ABLIM2: variants seen among roughly 807,000 people sequenced by gnomAD.
ABLIM2 encodes the protein actin binding LIM protein family member 2.
Under a neutral mutation model 97.7 loss-of-function variants are expected in ABLIM2, and 53 were observed. The ratio of observed to expected loss-of-function variants is 0.54; its 90% CI spans 0.44 to 0.68. The LOEUF (loss-of-function observed/expected upper bound fraction) is 0.68, where lower values mean the gene tolerates loss of function less well. ABLIM2 is among the 30% of genes least tolerant of loss of function. The pLI is 0.00. For missense variants in ABLIM2, 835 were observed against 867.2 expected, an observed-to-expected ratio of 0.96 and a Z score of 0.47; for synonymous variants, 361 against 345.8, an observed-to-expected ratio of 1.04 and a Z score of -0.49.
At chr4:8,084,219 G>A (rs913898787) in intron 4 of ABLIM2, among the ~76,000 whole-genome samples, 6 of 152,162 alleles carry the variant, frequency 3.9e-5, no homozygotes, top group Admixed American at 1.3e-4. Context: ...GTTCAAGTTC[G>A]GCCCCAGCGC....
At chr4:8,084,993 G>T (rs1822414680) in intron 4 of ABLIM2, among the ~76,000 whole-genome samples, 1 of 152,214 alleles carries the variant, frequency 6.6e-6, no homozygotes, top group Non-Finnish European at 1.5e-5. Flanking sequence ...TCACGGGAAG[G>T]GGCAGAGCTT....
At chr4:8,010,316 C>T in intron 14 of ABLIM2, 3 of 959,634 alleles carry the variant, frequency 3.1e-6, no homozygotes, top group Non-Finnish European at 3.7e-6. Flanking sequence ...TTGTGTATCC[C>T]TTACAGAAAC....
intron 17 of ABLIM2, among the ~76,000 whole-genome samples, chr4:7,991,320 T>G (rs914947283): frequency 1.3e-5 from 2 of 152,174 alleles, no homozygotes; most frequent in Non-Finnish European, 2.9e-5. Context: ...AAATGCAGAG[T>G]GTGCTGCTCT....
chr4:8,080,998 T>C (rs1819477249), intron 4 of ABLIM2, among the ~76,000 whole-genome samples, 196 bp from the exon 5 acceptor site: 1 of 152,106 alleles, frequency 6.6e-6, no homozygotes, highest in African/African-American at 2.4e-5. Flanking sequence ...CTGGGGAAGT[T>C]TGACCCTGCA....
chr4:8,057,700 C>T (rs747077560), intron 7 of ABLIM2, among the ~76,000 whole-genome samples: 2 of 152,218 alleles, frequency 1.3e-5, no homozygotes, highest in African/African-American at 2.4e-5. Context: ...ATGCCCCACC[C>T]CATGTTTATG....
At chr4:8,048,807 T>C in intron 8 of ABLIM2, among the ~76,000 whole-genome samples, 1 of 152,190 alleles carries the variant, frequency 6.6e-6, no homozygotes, top group South Asian at 2.1e-4. Flanking sequence ...GCCCGGCCAG[T>C]CCAGGCTCCC....
chr4:8,086,149 A>G (rs574514714), intron 4 of ABLIM2, among the ~76,000 whole-genome samples: 1 of 152,286 alleles, frequency 6.6e-6, no homozygotes, highest in South Asian at 2.1e-4. Flanking sequence ...GGCTGGGGGA[A>G]GGGGCAGGTT....
intron 10 of ABLIM2, 108 bp downstream of exon 10, chr4:8,036,041 G>T: frequency 7.4e-7 from 1 of 1,350,590 alleles, no homozygotes; most frequent in Non-Finnish European, 1.0e-6. Context: ...GAGTGGTGAA[G>T]ATGGAAGTGG....
intron 3 of ABLIM2, among the ~76,000 whole-genome samples, chr4:8,090,118 T>TGC (rs1561312529): frequency 3.3e-5 from 5 of 151,882 alleles, no homozygotes; most frequent in Admixed American, 3.3e-4. Context: ...CCCAGGGCCC[T>TGC]CCCCTCCCAT....
In ABLIM2 at chr4:8,077,741, C is replaced by A; in HGVS notation, c.582-20G>T. On this transcript the variant is annotated intron_variant, in intron 5 of 20. Transcript: ENST00000447017. ...CCATCCCTGCAATGAGACAGGCAGT[C>A]AACACAGGGCGGGTGTCGCCCGAGG... 12 of 1,600,214 alleles carry A rather than the reference C, an allele frequency of 7.5e-6. No homozygotes were observed. Among genetic ancestry groups the A allele is most frequent in the Non-Finnish European group, 1.0e-5 (12 of 1,171,470 alleles).
At chr4:8,142,668 G>A (rs150833672) in intron 1 of ABLIM2, among the ~76,000 whole-genome samples, 3 of 152,298 alleles carry the variant, frequency 2.0e-5, no homozygotes, top group East Asian at 3.9e-4. Context: ...TCGCAGCCAC[G>A]AGGTGGGCAC....
chr4:8,139,486 C>T (rs1290069470), intron 1 of ABLIM2, among the ~76,000 whole-genome samples: 1 of 152,104 alleles, frequency 6.6e-6, no homozygotes, highest in East Asian at 1.9e-4. Context: ...ACACAGCCAA[C>T]AAACATATGA....
intron 10 of ABLIM2, among the ~76,000 whole-genome samples, chr4:8,030,788 G>C (rs1446303004): frequency 6.6e-6 from 1 of 152,230 alleles, no homozygotes; most frequent in Non-Finnish European, 1.5e-5. Flanking sequence ...CTTGGACTCA[G>C]GGCTTCCAGC....
intron 17 of ABLIM2, among the ~76,000 whole-genome samples, chr4:7,990,239 A>G (rs546831627): frequency 2.0e-4 from 30 of 152,166 alleles, no homozygotes; most frequent in Non-Finnish European, 3.5e-4. Flanking sequence ...TCGCTCTGTC[A>G]CCCAGGCTGG....
intron 1 of ABLIM2, among the ~76,000 whole-genome samples, chr4:8,115,608 AT>A (rs2152825361): frequency 6.6e-6 from 1 of 152,332 alleles, no homozygotes; most frequent in South Asian, 2.1e-4. Flanking sequence ...CTCTGAGCTT[AT>A]CCCTCTGAGC....
At position 8,130,624 on chromosome 4, in the gene ABLIM2, A is replaced by AG. The variant is rs1342225149; in HGVS notation, c.11-23988dup. Among the ~76,000 whole-genome samples the AG allele has an allele frequency of 1.3e-5, 2 of 152,032 alleles. No individual in the cohort carries two copies. On this transcript the variant is annotated intron_variant, in intron 1 of 20. Coordinates refer to ENST00000447017, the MANE Select transcript of ABLIM2 (RefSeq NM_001130083.2). This position sits in a 1 kb window ranked among gnomAD's most constrained non-coding sequence, Gnocchi z 4.2. ...GTCCAGGGTGTGCTTGACGGCACCC[A>AG]GGGGAGCACAGGGTGATCTGACCTG...
intron 3 of ABLIM2, among the ~76,000 whole-genome samples, chr4:8,092,000 T>C (rs1444051166): frequency 5.1e-5 from 7 of 138,380 alleles, no homozygotes; most frequent in African/African-American, 1.9e-4. Flanking sequence ...TATAATATAA[T>C]ATATATATAT....
intron 1 of ABLIM2, among the ~76,000 whole-genome samples, chr4:8,136,783 C>T (rs1278942090): frequency 2.6e-5 from 4 of 152,242 alleles, no homozygotes; most frequent in Admixed American, 6.5e-5. Context: ...TGTCCTGCCA[C>T]GTGGCCTCGG....
rs547130112 is a variant in ABLIM2, at chr4:8,085,355, C to T, written c.454+2814G>A. ...CTCCACAACCATCTATTGCTCCTCA[C>T]GGCCTCCAGATGTACCGAGAACACC... is the stretch of plus-strand genomic sequence containing the variant. On this transcript the variant is annotated intron_variant, in intron 4 of 20. Coordinates refer to ENST00000447017, the MANE Select transcript of ABLIM2 (RefSeq NM_001130083.2). The surrounding 1 kb of genome is among the most constrained non-coding windows in gnomAD (Gnocchi z 6.1). Among the ~76,000 whole-genome samples, 92 of 152,334 alleles carry T rather than the reference C, an allele frequency of 6.0e-4. No individual in the cohort carries two copies. The highest frequency in any genetic ancestry group is 3.4e-3 in the Middle Eastern group (1 of 294).
Sources: allele counts gnomAD v4.1 joint callset (sites outside exome capture counted in the v4.1 genomes callset), GRCh38; gene constraint gnomAD v4.1.1; non-coding constraint Gnocchi (gnomAD v3.1); transcripts MANE v1.5; gene names NCBI Gene and HGNC (gene_info 2026-07-23, HGNC 2026-07-21).